The following KHDC1 variants were observed in gnomAD, a reference collection of about 807,000 sequenced individuals.
KHDC1 encodes KH homology domain-containing protein 1.
Under a neutral mutation model 24.7 loss-of-function variants are expected in KHDC1, and 21 were observed. That is an observed-to-expected ratio of 0.85 (90% CI 0.60 to 1.23). The LOEUF (loss-of-function observed/expected upper bound fraction) is 1.23, where lower values mean the gene tolerates loss of function less well. Among genes scored for constraint, KHDC1 ranks in the 50% most tolerant of loss-of-function variants. KHDC1 has a pLI of 0.00. For synonymous variants in KHDC1, 98 were observed against 111.7 expected (o/e 0.88, Z 0.77); for missense variants, 274 against 298.5 (o/e 0.92, Z 0.61).
At chr6:73,276,863 T>G (rs1767308253) in intron 2 of KHDC1, among the ~76,000 whole-genome samples, 1 of 152,154 alleles carries the variant, frequency 6.6e-6, no homozygotes, top group African/African-American at 2.4e-5. Flanking sequence ...TCAAAATGAG[T>G]TATAATAAAA....
At chr6:73,258,409 C>G (rs1183590933) in intron 2 of KHDC1, among the ~76,000 whole-genome samples, 2 of 151,922 alleles carry the variant, frequency 1.3e-5, no homozygotes, top group African/African-American at 4.8e-5. Flanking sequence ...TGCCACTGCA[C>G]TCCGGCCTAG....
At chr6:73,287,614 T>C (rs1281588887) in intron 2 of KHDC1, among the ~76,000 whole-genome samples, 3 of 152,184 alleles carry the variant, frequency 2.0e-5, no homozygotes, top group Admixed American at 2.0e-4. Context: ...TACATAGTAA[T>C]GGTTCCCTCT....
At chr6:73,260,793 C>T (rs147374884) in intron 2 of KHDC1, among the ~76,000 whole-genome samples, 2 of 152,218 alleles carry the variant, frequency 1.3e-5, no homozygotes, top group East Asian at 3.9e-4. Flanking sequence ...TTTTGCTTTG[C>T]ATGCCAGCAT....
intron 2 of KHDC1, among the ~76,000 whole-genome samples, chr6:73,286,025 G>C (rs1388633177): frequency 6.6e-6 from 1 of 152,138 alleles, no homozygotes; most frequent in East Asian, 1.9e-4. Context: ...GGACAAAGGG[G>C]AAAACTATTA....
intron 2 of KHDC1, chr6:73,270,604 C>T (rs1242145989): frequency 3.3e-5 from 5 of 152,122 alleles, no homozygotes; most frequent in African/African-American, 1.2e-4. Context: ...ACCCACTACA[C>T]CCAGTTGACA....
chr6:73,263,989 A>G (rs189143461), intron 2 of KHDC1, among the ~76,000 whole-genome samples: 30 of 152,294 alleles, frequency 2.0e-4, no homozygotes, highest in African/African-American at 6.5e-4. Flanking sequence ...GCTTGAGCCC[A>G]GGAGTTCGAA....
At chr6:73,267,217 C>T (rs1047327383) in intron 2 of KHDC1, among the ~76,000 whole-genome samples, 5 of 152,120 alleles carry the variant, frequency 3.3e-5, no homozygotes, top group African/African-American at 4.8e-5. Flanking sequence ...CAGTGGCTTA[C>T]GCCTGTAATC....
intron 2 of KHDC1, among the ~76,000 whole-genome samples, chr6:73,273,145 C>T (rs1279261401): frequency 7.6e-6 from 1 of 131,730 alleles, no homozygotes; most frequent in African/African-American, 2.9e-5. Context: ...AGGCGTGAGC[C>T]ACCGCGCCCA....
intron 2 of KHDC1, among the ~76,000 whole-genome samples, chr6:73,289,029 A>G (rs573147547): frequency 2.0e-5 from 3 of 152,112 alleles, no homozygotes; most frequent in East Asian, 3.9e-4. Flanking sequence ...AGACAAATGG[A>G]TTAGGCATAA....
intron 1 of KHDC1, chr6:73,299,498 G>C (rs1767824973): frequency 6.6e-6 from 1 of 152,652 alleles, no homozygotes; most frequent in Admixed American, 6.5e-5. Flanking sequence ...CCCCTCCCCA[G>C]CTGGGACCTC....
chr6:73,270,357 G>T (rs1420111132), intron 2 of KHDC1: 1 of 152,096 alleles, frequency 6.6e-6, no homozygotes, highest in Non-Finnish European at 1.5e-5. Flanking sequence ...AGAGTTTGTA[G>T]TTTAGGAATC....
chr6:73,277,992 C>G (rs1251282591), intron 2 of KHDC1, among the ~76,000 whole-genome samples: 1 of 76,656 alleles, frequency 1.3e-5, no homozygotes, highest in Non-Finnish European at 2.4e-5. Context: ...GATGCTTTCT[C>G]TCTCTCTCTC....
intron 2 of KHDC1, among the ~76,000 whole-genome samples, chr6:73,273,438 A>C (rs1238738653): frequency 6.7e-6 from 1 of 150,286 alleles, no homozygotes; most frequent in African/African-American, 2.4e-5. Context: ...AAAGTGCTGG[A>C]ATTATAGGCA....
chr6:73,259,644 A>G (rs1766943142), intron 2 of KHDC1, among the ~76,000 whole-genome samples: 1 of 152,158 alleles, frequency 6.6e-6, no homozygotes, highest in South Asian at 2.1e-4. Context: ...CAAGAAAGTC[A>G]TCCTTTAGAT....
intron 1 of KHDC1, chr6:73,292,589 C>A: frequency 1.3e-6 from 1 of 764,154 alleles, no homozygotes; most frequent in Non-Finnish European, 2.4e-6. Context: ...GTCTCTTCAG[C>A]AGAGAGCATG....
chr6:73,290,027 G>A (rs1247785767), intron 2 of KHDC1, among the ~76,000 whole-genome samples: 2 of 145,094 alleles, frequency 1.4e-5, no homozygotes, highest in African/African-American at 2.6e-5. Context: ...GTGAACCCGG[G>A]AAGCGGAGCT....
At chr6:73,301,028 A>G (rs1767865920) in intron 1 of KHDC1, 1 of 152,150 alleles carries the variant, frequency 6.6e-6, no homozygotes, top group African/African-American at 2.4e-5. Context: ...CATCCTGGCT[A>G]ACATGGTGAA....
chr6:73,260,856 C>T (rs1160377735), intron 2 of KHDC1, among the ~76,000 whole-genome samples: 2 of 152,082 alleles, frequency 1.3e-5, no homozygotes, highest in Admixed American at 6.6e-5. Context: ...TTCATTCTTA[C>T]TTCTTCATCT....
chr6:73,298,684 C>A (rs1392918119), intron 1 of KHDC1, among the ~76,000 whole-genome samples: 4 of 151,784 alleles, frequency 2.6e-5, no homozygotes, highest in African/African-American at 9.7e-5. Context: ...CCACCTGCCT[C>A]GGCCTTGCAA....
Sources: gnomAD v4.1 joint callset for allele counts (sites outside exome capture counted in the v4.1 genomes callset) on GRCh38, gnomAD v4.1.1 for gene constraint, MANE v1.5 for transcripts, NCBI Gene and HGNC (gene_info 2026-07-23, HGNC 2026-07-21) for gene names.